Variants in PCSK5 observed in about 807,000 individuals in gnomAD.
PCSK5 encodes the protein proprotein convertase subtilisin/kexin type 5.
In PCSK5, 129 loss-of-function variants were observed where a neutral mutation model predicts 233.2. That is an observed-to-expected ratio of 0.55 (90% CI 0.48 to 0.64). The LOEUF (loss-of-function observed/expected upper bound fraction) is 0.64. PCSK5 is among the 30% of genes least tolerant of loss of function. PCSK5 has a pLI of 0.00. For synonymous variants in PCSK5, 825 were observed against 879.2 expected (o/e 0.94, Z 1.09); for missense variants, 2,076 against 2,430.1 (o/e 0.85, Z 3.06).
chr9:75,911,309 G>A (rs1273490566), intron 1 of PCSK5, among the ~76,000 whole-genome samples: 2 of 131,322 alleles, frequency 1.5e-5, no homozygotes, highest in Non-Finnish European at 3.1e-5. Context: ...AGGTTATAGT[G>A]AACCCAGCAA....
At chr9:76,184,568 G>A (rs1824015589) in intron 16 of PCSK5, 105 bp from the exon 17 acceptor site, 1 of 617,116 alleles carries the variant, frequency 1.6e-6, no homozygotes. Flanking sequence ...GTCTAGTCAA[G>A]GCCATAGGTA....
chr9:76,038,583 T>A (rs1828963359), intron 5 of PCSK5, among the ~76,000 whole-genome samples: 1 of 152,224 alleles, frequency 6.6e-6, no homozygotes, highest in African/African-American at 2.4e-5. Flanking sequence ...TCTTCTCTTA[T>A]CCACCCATCT....
At chr9:76,238,333 T>G (rs749276517) in intron 22 of PCSK5, among the ~76,000 whole-genome samples, 2 of 152,230 alleles carry the variant, frequency 1.3e-5, no homozygotes, top group Non-Finnish European at 2.9e-5. Flanking sequence ...TGCTGATTCT[T>G]TCCTTATAGA....
rs1046136601 is a variant in PCSK5, at chr9:76,321,475, C to T, written c.3938C>T (p.Thr1313Ile). ...ICERCSSPCR[T>I]CEGNATNCHS... The stretch of plus-strand genomic sequence containing the variant: ...GAACGCTGTAGCTCTCCTTGCAGAA[C>T]ATGTGAAGGAAACGCCACCAACTGC... Residue 1313 changes from threonine to isoleucine, a missense_variant, in exon 31 of 38, where the codon ACA becomes ATA. By Grantham distance (89) the Thr-to-Ile change is moderately conservative. Coordinates refer to ENST00000674117, the MANE Select transcript of PCSK5 (RefSeq NM_001372043.1). The T allele has an allele frequency of 1.9e-6, 3 of 1,611,464 alleles. No homozygotes were observed. The highest frequency in any genetic ancestry group is 1.7e-5 in the Admixed American group (1 of 59,998).
In PCSK5 at chr9:76,296,737, A is replaced by T. The variant is rs568378755; in HGVS notation, c.3395A>T (p.His1132Leu). 10 of 1,612,476 alleles carry T rather than the reference A, an allele frequency of 6.2e-6. No homozygotes were observed. Among genetic ancestry groups the T allele is most frequent in the Non-Finnish European group, 8.5e-6 (10 of 1,179,578 alleles). ...GAAATGGGAGAATGTGAGTCCTGCC[A>T]CCGAGCATGCGAAACCTGCACAGGC... The part of the protein sequence containing the change: ...DQEMGECESC[H>L]RACETCTGPG... Residue 1132 changes from histidine to leucine, a missense_variant, in exon 27 of 38, where the codon CAC becomes CTC. Around this residue, in one of 6 missense-constraint regions of PCSK5, gnomAD observed 1,510 missense variants for 1,538.1 expected, o/e 0.98. Coordinates refer to ENST00000674117, the MANE Select transcript of PCSK5 (RefSeq NM_001372043.1).
At chr9:76,103,431 G>A (rs1348686267) in intron 8 of PCSK5, among the ~76,000 whole-genome samples, 2 of 152,090 alleles carry the variant, frequency 1.3e-5, no homozygotes, top group East Asian at 3.9e-4. Context: ...TGACTGTGGG[G>A]TTGCTATAAA....
chr9:76,217,120 C>T (rs1825564012), intron 20 of PCSK5, among the ~76,000 whole-genome samples: 2 of 152,134 alleles, frequency 1.3e-5, no homozygotes, highest in African/African-American at 2.4e-5. Context: ...ACCACCATTA[C>T]TATTACCCAG....
At chr9:76,292,440 G>T (rs138644710) in intron 25 of PCSK5, among the ~76,000 whole-genome samples, 165 bp downstream of exon 25, 1 of 152,292 alleles carries the variant, frequency 6.6e-6, no homozygotes, top group Non-Finnish European at 1.5e-5. Flanking sequence ...TAAGAGCCCA[G>T]CTGTTTCCTT....
rs140787705 is a variant in PCSK5, at chr9:76,212,101, G to A, written c.2627-15402G>A. ...CTTTGTAACTACTTACCTTCTCTTC[G>A]TGTGAGTTTTATGCCAAGTATCTAC... On this transcript the variant is annotated intron_variant, in intron 20 of 37. Transcript: ENST00000674117. Among the ~76,000 whole-genome samples the A allele has an allele frequency of 2.1e-3, 317 of 152,234 alleles. 2 individuals are homozygous for A. Among genetic ancestry groups the A allele is most frequent in the African/African-American group, 6.8e-3 (282 of 41,538 alleles).
chr9:76,281,098 C>T (rs559751707), intron 24 of PCSK5, among the ~76,000 whole-genome samples: 9 of 152,242 alleles, frequency 5.9e-5, no homozygotes, highest in South Asian at 2.1e-4. Context: ...CATAAAAGTG[C>T]GAGGTGAAGC....
intron 20 of PCSK5, among the ~76,000 whole-genome samples, chr9:76,216,458 T>A (rs925616434): frequency 6.6e-6 from 1 of 152,208 alleles, no homozygotes. Context: ...CTGACCACTG[T>A]GCTAAGAGCT....
intron 1 of PCSK5, among the ~76,000 whole-genome samples, chr9:75,893,005 C>G (rs1421890869): frequency 6.6e-6 from 1 of 152,136 alleles, no homozygotes; most frequent in Non-Finnish European, 1.5e-5. Context: ...TTCTTTTTCT[C>G]TGGAAGAAAA....
At chr9:76,236,554 C>T (rs1203777871) in intron 22 of PCSK5, among the ~76,000 whole-genome samples, 3 of 152,250 alleles carry the variant, frequency 2.0e-5, no homozygotes, top group Admixed American at 6.5e-5. Context: ...GGGCAAGTAG[C>T]CAAAAATTTA....
chr9:76,338,767 A>T (rs1829753061), intron 35 of PCSK5, among the ~76,000 whole-genome samples: 1 of 150,848 alleles, frequency 6.6e-6, no homozygotes, highest in Non-Finnish European at 1.5e-5. Context: ...TATTTTCATT[A>T]CTCCCACTAT....
In PCSK5 at chr9:76,180,087, G is replaced by GTGTGTA. The variant is rs543361179; in HGVS notation, c.2003+390_2003+391insGTGTAT. ...TGTTTATATATATATGTGTGTGTGT[G>GTGTGTA]TATATATATATATATATACACACAC... On this transcript the variant is annotated intron_variant, in intron 15 of 37. Coordinates refer to ENST00000674117, the MANE Select transcript of PCSK5 (RefSeq NM_001372043.1). Among the ~76,000 whole-genome samples, 722 of 132,594 alleles carry GTGTGTA rather than the reference G, an allele frequency of 5.4e-3. 3 individuals carry two copies. Among genetic ancestry groups the GTGTGTA allele is most frequent in the African/African-American group, 0.011 (365 of 34,628 alleles). The allele number at this position is 132,594 out of a possible 152,430, so 87.0% of individuals were successfully genotyped here. A position where few individuals can be genotyped will look rare whatever the true frequency, so the allele number is the denominator to read the frequency against.
At chr9:76,219,133 C>T (rs915112515) in intron 20 of PCSK5, among the ~76,000 whole-genome samples, 2 of 152,172 alleles carry the variant, frequency 1.3e-5, no homozygotes, top group African/African-American at 4.8e-5. Context: ...TGCAGCTCCT[C>T]CTCTCTCCAG....
chr9:75,987,667 T>C (rs942670865), intron 3 of PCSK5, among the ~76,000 whole-genome samples: 1 of 152,070 alleles, frequency 6.6e-6, no homozygotes, highest in Non-Finnish European at 1.5e-5. Flanking sequence ...AAGGGAGGAA[T>C]CATAAAGCTA....
intron 7 of PCSK5, among the ~76,000 whole-genome samples, chr9:76,091,928 G>A (rs1375397598): frequency 6.6e-6 from 1 of 152,118 alleles, no homozygotes; most frequent in Non-Finnish European, 1.5e-5. Context: ...CCTCTGTCTG[G>A]AAGGGACATT....
At chr9:75,936,236 G>A (rs1416879944) in intron 2 of PCSK5, among the ~76,000 whole-genome samples, 1 of 152,196 alleles carries the variant, frequency 6.6e-6, no homozygotes, top group Non-Finnish European at 1.5e-5. Context: ...TGCTCAGGGT[G>A]GTGGTTGCTG....
Sources: allele counts gnomAD v4.1 joint callset (sites outside exome capture counted in the v4.1 genomes callset), GRCh38; gene constraint gnomAD v4.1.1; regional missense constraint gnomAD v4.1.1; transcripts MANE v1.5; gene names NCBI Gene and HGNC (gene_info 2026-07-23, HGNC 2026-07-21).